Variants in DDX10 observed in about 807,000 individuals in gnomAD.
DDX10 encodes the protein probable ATP-dependent RNA helicase DDX10.
In DDX10, 74 loss-of-function variants were observed where a neutral mutation model predicts 104.3. The observed-to-expected ratio is 0.71, with a 90% CI of 0.59 to 0.86. The LOEUF (loss-of-function observed/expected upper bound fraction) is 0.86. DDX10 is among the 40% of genes least tolerant of loss of function. The probability of loss-of-function intolerance (pLI) is 0.00; values close to 1 mark genes in which losing one functional copy is unlikely to be tolerated. For missense variants in DDX10, 952 were observed against 1,040.0 expected (o/e 0.92, Z 1.16); for synonymous variants, 351 against 353.4 (o/e 0.99, Z 0.08).
intron 13 of DDX10, among the ~76,000 whole-genome samples, chr11:108,833,694 A>G (rs376719284): frequency 3.0e-4 from 45 of 152,336 alleles, no homozygotes; most frequent in African/African-American, 1.0e-3. Flanking sequence ...TAGTGGCTTC[A>G]TGGATTTCCC....
Position 108,699,786 on chromosome 11 carries a change from T to G in DDX10, c.1223+6186T>G, listed in dbSNP as rs576383641. 7.2e-5 allele frequency among the ~76,000 whole-genome samples: 11 copies of G among 152,282 alleles called. No individual in the cohort carries two copies. The South Asian group carries it at 2.3e-3, about 32-fold the overall frequency. On this transcript the variant is annotated intron_variant, in intron 9 of 17. Transcript: ENST00000322536. ...CCCAACGTCAAATTTTACCTCTGATTTCAAGGATAAAAACAATCCTGAGGT... is the reference window on the plus strand; with the variant it reads ...CCCAACGTCAAATTTTACCTCTGATGTCAAGGATAAAAACAATCCTGAGGT...
At chr11:108,700,116 C>G (rs1162092384) in intron 9 of DDX10, among the ~76,000 whole-genome samples, 1 of 152,122 alleles carries the variant, frequency 6.6e-6, no homozygotes, top group East Asian at 1.9e-4. Flanking sequence ...AATATGTTTT[C>G]TAGGAGATTT....
chr11:108,932,767 A>C (rs1308270315), intron 17 of DDX10, among the ~76,000 whole-genome samples: 1 of 152,026 alleles, frequency 6.6e-6, no homozygotes, highest in Non-Finnish European at 1.5e-5. Flanking sequence ...GTTTTCCATC[A>C]ACATTAGGTA....
chr11:108,731,301 T>G (rs1253691396), intron 13 of DDX10, among the ~76,000 whole-genome samples: 1 of 152,190 alleles, frequency 6.6e-6, no homozygotes, highest in East Asian at 1.9e-4. Context: ...TCCACCTGCC[T>G]CAGCCTCTCA....
chr11:108,852,321 C>A, intron 16 of DDX10, 112 bp downstream of exon 16: 1 of 705,386 alleles, frequency 1.4e-6, no homozygotes, highest in Non-Finnish European at 2.3e-6. Flanking sequence ...AATTTAAATC[C>A]TCTTCTTTTC....
At chr11:108,857,419 C>A (rs1158881522) in intron 16 of DDX10, among the ~76,000 whole-genome samples, 1 of 152,144 alleles carries the variant, frequency 6.6e-6, no homozygotes, top group Non-Finnish European at 1.5e-5. Context: ...TTTTCTGACT[C>A]TCTCACATAT....
chr11:108,826,247 C>T (rs1428205930), intron 13 of DDX10, among the ~76,000 whole-genome samples: 1 of 152,064 alleles, frequency 6.6e-6, no homozygotes, highest in African/African-American at 2.4e-5. Context: ...TGTGTGCTGA[C>T]TTTCATCCAG....
At chr11:108,733,141 T>A (rs2094314316) in intron 13 of DDX10, among the ~76,000 whole-genome samples, 1 of 152,010 alleles carries the variant, frequency 6.6e-6, no homozygotes, top group South Asian at 2.1e-4. Flanking sequence ...CTTTTTCTTT[T>A]TTTAGTACTG....
At chr11:108,774,110 G>C (rs1431668258) in intron 13 of DDX10, among the ~76,000 whole-genome samples, 1 of 152,206 alleles carries the variant, frequency 6.6e-6, no homozygotes, top group African/African-American at 2.4e-5. Flanking sequence ...CAACCAGAAA[G>C]AGAAATCAGG....
intron 13 of DDX10, among the ~76,000 whole-genome samples, chr11:108,788,192 C>T (rs1861820889): frequency 6.6e-6 from 1 of 152,146 alleles, no homozygotes; most frequent in Non-Finnish European, 1.5e-5. Flanking sequence ...TAAGGGAACA[C>T]ACTGGCTTTT....
intron 13 of DDX10, among the ~76,000 whole-genome samples, chr11:108,773,751 C>A (rs531709056): frequency 6.6e-6 from 1 of 152,186 alleles, no homozygotes; most frequent in African/African-American, 2.4e-5. Flanking sequence ...TAATTTGCAT[C>A]TTAGAGTTCC....
intron 13 of DDX10, among the ~76,000 whole-genome samples, chr11:108,783,390 T>C (rs187412072): frequency 2.1e-3 from 325 of 152,176 alleles, no homozygotes; most frequent in South Asian, 3.7e-3. Flanking sequence ...TTGAAGAGCG[T>C]TGATAAAGGA....
intron 16 of DDX10, among the ~76,000 whole-genome samples, chr11:108,871,320 A>G (rs1863079301): frequency 6.6e-6 from 1 of 152,208 alleles, no homozygotes; most frequent in Admixed American, 6.5e-5. Context: ...CACTTTAATT[A>G]TAACTCAAAG....
At chr11:108,794,220 T>C (rs1297451185) in intron 13 of DDX10, among the ~76,000 whole-genome samples, 1 of 152,142 alleles carries the variant, frequency 6.6e-6, no homozygotes, top group African/African-American at 2.4e-5. Flanking sequence ...TGCTGGATCA[T>C]ATGGCAGTTC....
At chr11:108,700,184 C>T (rs938255135) in intron 9 of DDX10, among the ~76,000 whole-genome samples, 15 of 152,152 alleles carry the variant, frequency 9.9e-5, no homozygotes, top group Non-Finnish European at 1.8e-4. Flanking sequence ...CCCTACCTCC[C>T]ACCCCTGTAC....
intron 13 of DDX10, among the ~76,000 whole-genome samples, chr11:108,752,569 T>G (rs1387623867): frequency 6.6e-6 from 1 of 152,146 alleles, no homozygotes; most frequent in East Asian, 1.9e-4. Flanking sequence ...TGGATGTCTG[T>G]TCTGAGTAGG....
intron 16 of DDX10, among the ~76,000 whole-genome samples, chr11:108,852,862 C>G (rs1054038560): frequency 3.3e-5 from 5 of 152,094 alleles, no homozygotes; most frequent in Non-Finnish European, 5.9e-5. Flanking sequence ...GAACTAGGGC[C>G]CAATAACATA....
chr11:108,773,149 T>C (rs2094365452), intron 13 of DDX10, among the ~76,000 whole-genome samples: 1 of 152,226 alleles, frequency 6.6e-6, no homozygotes, highest in South Asian at 2.1e-4. Context: ...TATTAATACA[T>C]ATGATATTTG....
intron 13 of DDX10, 23 bp downstream of exon 13, chr11:108,723,485 G>T: frequency 1.3e-6 from 2 of 1,591,554 alleles, no homozygotes; most frequent in South Asian, 1.2e-5. Flanking sequence ...CCAGTGGAGG[G>T]TCTTCTATTA....
Sources: allele counts gnomAD v4.1 joint callset (sites outside exome capture counted in the v4.1 genomes callset), GRCh38; gene constraint gnomAD v4.1.1; transcripts MANE v1.5; gene names NCBI Gene and HGNC (gene_info 2026-07-23, HGNC 2026-07-21).